The following PTH2R variants were observed in gnomAD, a reference collection of about 807,000 sequenced individuals.
PTH2R encodes the protein PTH2 receptor.
Under a neutral mutation model 60.3 loss-of-function variants are expected in PTH2R, and 59 were observed. The ratio of observed to expected loss-of-function variants is 0.98; its 90% CI spans 0.79 to 1.22. The LOEUF is 1.22. Among genes scored for constraint, PTH2R ranks in the 50% most tolerant of loss-of-function variants. The pLI is 0.00. For synonymous variants in PTH2R, 256 were observed against 243.8 expected, an observed-to-expected ratio of 1.05 and a Z score of -0.47; for missense variants, 749 against 682.6, an observed-to-expected ratio of 1.10 and a Z score of -1.08.
chr2:208,376,145 C>T (rs942371373), intron 1 of PTH2R, among the ~76,000 whole-genome samples: 1 of 152,126 alleles, frequency 6.6e-6, no homozygotes, highest in African/African-American at 2.4e-5. Context: ...TTTACCATAC[C>T]ATTAACATTT....
chr2:208,366,732 G>T (rs1206871168), intron 1 of PTH2R, among the ~76,000 whole-genome samples: 1 of 152,152 alleles, frequency 6.6e-6, no homozygotes, highest in African/African-American at 2.4e-5. Context: ...ACTTCCTCTT[G>T]TGAAATAAAG....
In PTH2R at chr2:208,361,771, T is replaced by A. The variant is rs531389828; in HGVS notation, c.-259+1534T>A. 8.1e-4 allele frequency among the ~76,000 whole-genome samples: 123 copies of A among 152,058 alleles called. 1 individual carries two copies. The highest frequency in any genetic ancestry group is 2.6e-3 in the African/African-American group (108 of 41,360). On this transcript the variant is annotated intron_variant, in intron 1 of 12. Coordinates refer to the PTH2R transcript ENST00000617735. ...ACATGTCAAGATTTCCTTTTTTTTT[T>A]TTAAAAAAAAGGATGAAGACTATTC...
At chr2:208,386,929 C>G (rs997247308) in intron 1 of PTH2R, among the ~76,000 whole-genome samples, 1 of 152,130 alleles carries the variant, frequency 6.6e-6, no homozygotes, top group Non-Finnish European at 1.5e-5. Flanking sequence ...CAGCTCATAA[C>G]AGGTAAGGTA....
At chr2:208,401,768 C>T (rs1701314592) in intron 1 of PTH2R, among the ~76,000 whole-genome samples, 1 of 152,156 alleles carries the variant, frequency 6.6e-6, no homozygotes, top group Admixed American at 6.5e-5. Context: ...AATCCTCTCT[C>T]ACCACACAGG....
At chr2:208,465,577 T>A (rs367782963) in intron 9 of PTH2R, among the ~76,000 whole-genome samples, 150 of 151,818 alleles carry the variant, frequency 9.9e-4, no homozygotes, top group African/African-American at 3.5e-3. Context: ...TAATTTTTTT[T>A]ATTTTTAGTA....
At chr2:208,419,134 C>G (rs962312938) in intron 1 of PTH2R, among the ~76,000 whole-genome samples, 11 of 152,196 alleles carry the variant, frequency 7.2e-5, no homozygotes, top group African/African-American at 2.7e-4. Flanking sequence ...TACAGTCCCA[C>G]CAACAGTGTA....
rs1559236730 is a variant in PTH2R, at chr2:208,493,661, T to A, written c.*2T>A. ...GGAGAAACTGAGGATGTTCTCTGAA[T>A]GGACATTTGTGGCTGACTTTCATGG... is the stretch of plus-strand genomic sequence containing the variant. On this transcript the variant is annotated 3_prime_UTR_variant, in exon 13 of 13. Transcript: ENST00000272847. 2.0e-6 allele frequency: 3 copies of A among 1,535,612 alleles called. No homozygotes were observed. The highest frequency in any genetic ancestry group is 2.0e-5 in the Admixed American group (1 of 51,090).
At chr2:208,384,617 AT>A (rs1700972305) in intron 1 of PTH2R, among the ~76,000 whole-genome samples, 1 of 152,072 alleles carries the variant, frequency 6.6e-6, no homozygotes, top group Non-Finnish European at 1.5e-5. Context: ...TCTTTTGAGA[AT>A]TTTTTTTCTA....
Position 208,493,462 on chromosome 2 carries a change from C to A in PTH2R, c.1456C>A (p.Pro486Thr), listed in dbSNP as rs1248089140. 2.5e-6 allele frequency: 4 copies of A among 1,610,558 alleles called. No individual in the cohort carries two copies. The highest frequency in any genetic ancestry group is 3.4e-6 in the Non-Finnish European group (4 of 1,178,034). The change falls in exon 13 of 13, where the codon CCT becomes ACT. Residue 486 changes from proline to threonine, a missense_variant. Coordinates refer to ENST00000272847, the MANE Select transcript of PTH2R (RefSeq NM_005048.4). Reference protein sequence around the residue: ...GKAAKIASRQPDSHITLPGYV... With the variant: ...GKAAKIASRQTDSHITLPGYV... The stretch of plus-strand genomic sequence containing the variant: ...AGCTGCCAAGATCGCCAGCAGACAG[C>A]CTGACAGCCACATCACTTTACCTGG...
intron 1 of PTH2R, among the ~76,000 whole-genome samples, chr2:208,421,759 G>A (rs540733822): frequency 3.9e-5 from 6 of 152,204 alleles, no homozygotes; most frequent in African/African-American, 1.4e-4. Context: ...CTTTTTTGAG[G>A]CCTGTGGGAA....
intron 9 of PTH2R, among the ~76,000 whole-genome samples, chr2:208,478,269 G>T (rs1418827704): frequency 6.6e-6 from 1 of 151,520 alleles, no homozygotes; most frequent in East Asian, 1.9e-4. Flanking sequence ...TTTTTTAGTG[G>T]CTTAAAAGAA....
chr2:208,405,413 T>C (rs181811869), upstream of PTH2R, among the ~76,000 whole-genome samples: 43 of 152,262 alleles, frequency 2.8e-4, no homozygotes, highest in Non-Finnish European at 5.1e-4. Flanking sequence ...CAAGATATTA[T>C]AAATTAGGCC....
Position 208,493,583 on chromosome 2 carries a change from T to C in PTH2R, c.1577T>C (p.Met526Thr), listed in dbSNP as rs1703462711. The change falls in exon 13 of 13, where the codon ATG becomes ACG. Residue 526 changes from methionine to threonine, a missense_variant. Transcript: ENST00000272847. The stretch of plus-strand genomic sequence containing the variant: ...GGGAGGCAGGGAGATGATATTCTAA[T>C]GGAGAAGCCTTCCAGGCCTATGGAA... Reference protein sequence around the residue: ...DSGRQGDDILMEKPSRPMESN... With the variant: ...DSGRQGDDILTEKPSRPMESN... The C allele has an allele frequency of 6.2e-7, 1 of 1,611,732 alleles. No individual in the cohort carries two copies. The highest frequency in any genetic ancestry group is 1.7e-4 in the Middle Eastern group (1 of 6,044).
intron 11 of PTH2R, among the ~76,000 whole-genome samples, chr2:208,490,071 A>T (rs1487596182): frequency 1.3e-5 from 2 of 151,506 alleles, no homozygotes; most frequent in Non-Finnish European, 2.9e-5. Context: ...TTCTTGCATA[A>T]CCCTTCTCAT....
chr2:208,413,277 A>T (rs1231128595), intron 1 of PTH2R, among the ~76,000 whole-genome samples: 1 of 152,182 alleles, frequency 6.6e-6, no homozygotes, highest in African/African-American at 2.4e-5. Context: ...TCCTCCTTTC[A>T]TCTTGGAGTG....
chr2:208,450,897 T>C (rs540911822), intron 8 of PTH2R, 88 bp downstream of exon 8: 31 of 1,409,176 alleles, frequency 2.2e-5, no homozygotes, highest in Middle Eastern at 3.5e-4. Flanking sequence ...GCTTCTGTTC[T>C]TGATGCCATT....
At chr2:208,364,870 A>C (rs1700547615) in intron 1 of PTH2R, among the ~76,000 whole-genome samples, 1 of 151,948 alleles carries the variant, frequency 6.6e-6, no homozygotes, top group South Asian at 2.1e-4. Context: ...TCATTATATA[A>C]GTTTTTACTT....
chr2:208,395,229 A>C (rs1415437213), intron 1 of PTH2R, among the ~76,000 whole-genome samples: 1 of 151,876 alleles, frequency 6.6e-6, no homozygotes, highest in African/African-American at 2.4e-5. Flanking sequence ...TTGTATTTTT[A>C]GTAGAGACGG....
At chr2:208,412,005 ACTC>A (rs1250376275) in intron 1 of PTH2R, among the ~76,000 whole-genome samples, 1 of 152,060 alleles carries the variant, frequency 6.6e-6, no homozygotes, top group Non-Finnish European at 1.5e-5. Flanking sequence ...ATTAGTGAGA[ACTC>A]CTGAAGGCTT....
Sources: gnomAD v4.1 joint callset for allele counts (sites outside exome capture counted in the v4.1 genomes callset) on GRCh38, gnomAD v4.1.1 for gene constraint, MANE v1.5 for transcripts, NCBI Gene and HGNC (gene_info 2026-07-23, HGNC 2026-07-21) for gene names.